The following STUB1 variants were observed in gnomAD, a reference collection of about 807,000 sequenced individuals.
STUB1 encodes E3 ubiquitin-protein ligase CHIP.
In STUB1, 37 loss-of-function variants were observed where a neutral mutation model predicts 40.3. The observed-to-expected ratio is 0.92, with a 90% CI of 0.71 to 1.21. The LOEUF (loss-of-function observed/expected upper bound fraction) is 1.21. STUB1 is among the 50% of genes most tolerant of loss of function. The probability of loss-of-function intolerance (pLI) is 0.00; values close to 1 mark genes in which losing one functional copy is unlikely to be tolerated. For missense variants in STUB1, 460 were observed against 421.9 expected (o/e 1.09, Z -0.79); for synonymous variants, 246 against 171.9 (o/e 1.43, Z -3.37).
Position 682,665 on chromosome 16 carries a change from T to G in STUB1, c.*176T>G, listed in dbSNP as rs2039721101. ...TTGCTGGGCCGTGATCGTCCCCCTT[T>G]GTGGGCTGGAAAAGCAGGTGAGGGT... On this transcript the variant is annotated 3_prime_UTR_variant, in exon 7 of 7. Transcript: ENST00000219548. 1 of 1,407,258 alleles carries G rather than the reference T, an allele frequency of 7.1e-7. No individual in the cohort carries two copies. The highest frequency in any genetic ancestry group is 2.4e-5 in the East Asian group (1 of 41,902). The allele number at this position is 1,407,258 out of a possible 1,614,324, so 87.2% of individuals were successfully genotyped here.
chr16:682,121 C>T, intron 5 of STUB1, 44 bp from the exon 6 acceptor site: 2 of 1,587,764 alleles, frequency 1.3e-6, no homozygotes, highest in Non-Finnish European at 8.6e-7. Context: ...GGTGCTCGTG[C>T]AGTGCCCCTT....
intron 1 of STUB1, 107 bp from the exon 2 acceptor site, chr16:681,045 C>T: frequency 3.4e-6 from 4 of 1,177,648 alleles, no homozygotes; most frequent in South Asian, 1.5e-5. Flanking sequence ...ACTGAGAAAC[C>T]TAGTTTCTTG....
Position 681,819 on chromosome 16 carries a change from AC to A in STUB1, c.552del (p.His184GlnfsTer56). 6.2e-7 allele frequency: 1 copy of A among 1,606,914 alleles called. No individual in the cohort carries two copies. Among genetic ancestry groups the A allele is most frequent in the Non-Finnish European group, 8.5e-7 (1 of 1,175,478 alleles). Reference protein sequence around the residue: ...ERELEECQRNHEGDEDDSHVR... With the variant: ...ERELEECQRNXEGDEDDSHVR... ...GAGCTGGAAGAGTGCCAGCGAAACC[AC>A]GAGGGTGATGAGGACGACAGCCACG... On this transcript the variant is annotated frameshift_variant, in exon 4 of 7. Transcript: ENST00000219548. LOFTEE classifies it high-confidence loss of function.
rs1037791729 is a variant in STUB1 at position 682,784 on chromosome 16, G to C, written c.*295G>C. ...TGGTGTGTGACCGGCAGTCCTGCCA[G>C]CTGTTTTGGCTAGCCGAGGAAGGTG... is the stretch of plus-strand genomic sequence containing the variant. On this transcript the variant is annotated 3_prime_UTR_variant, in exon 7 of 7. Coordinates refer to ENST00000219548, the MANE Select transcript of STUB1 (RefSeq NM_005861.4). 1 of 1,612,796 alleles carries C rather than the reference G, an allele frequency of 6.2e-7. No individual in the cohort carries two copies. The highest frequency in any genetic ancestry group is 8.5e-7 in the Non-Finnish European group (1 of 1,179,636).
rs1189782607 is a variant in STUB1 at position 682,523 on chromosome 16, G to A, written c.*34G>A. On this transcript the variant is annotated 3_prime_UTR_variant, in exon 7 of 7. Transcript: ENST00000219548. The stretch of plus-strand genomic sequence containing the variant: ...GCCCTACCTGGCGTCCTGGTCCAGG[G>A]GAGCCCTGGGCAGAAGCCCCCGGCC... 2 of 1,612,140 alleles carry A rather than the reference G, an allele frequency of 1.2e-6. No homozygotes were observed. Among genetic ancestry groups the A allele is most frequent in the South Asian group, 2.2e-5 (2 of 90,990 alleles).
intron 2 of STUB1, 21 bp downstream of exon 2, chr16:681,371 G>C (rs1481171390): frequency 1.2e-6 from 2 of 1,611,880 alleles, no homozygotes; most frequent in African/African-American, 2.7e-5. Context: ...AAGCTGCCCG[G>C]TTGTGGGGCC....
In STUB1 at chr16:681,498, G is replaced by T; in HGVS notation, c.419G>T (p.Arg140Leu). Residue 140 changes from arginine to leucine, a missense_variant, in exon 3 of 7, where the codon CGA becomes CTA. Arg to Leu is a moderately radical substitution (Grantham distance 102, BLOSUM62 -2). Coordinates refer to ENST00000219548, the MANE Select transcript of STUB1 (RefSeq NM_005861.4). ...NFGDDIPSAL[R>L]IAKKKRWNSI... is the part of the protein sequence containing the mutation. Reference sequence around the variant, plus strand: ...GGGGACGACATCCCCAGCGCTCTTCGAATCGCGAAGAAGAAGCGCTGGAAC... The same window carrying T: ...GGGGACGACATCCCCAGCGCTCTTCTAATCGCGAAGAAGAAGCGCTGGAAC... 3 of 1,612,520 alleles carry T rather than the reference G, an allele frequency of 1.9e-6. No individual in the cohort carries two copies. Among genetic ancestry groups the T allele is most frequent in the South Asian group, 1.1e-5 (1 of 91,020 alleles).
rs749547598 is a variant in STUB1, at chr16:682,238, G to A, written c.743G>A (p.Ser248Asn). The A allele has an allele frequency of 3.1e-6, 5 of 1,613,042 alleles. No individual in the cohort carries two copies. The Admixed American group carries it at 5.0e-5, about 16-fold the overall frequency. Residue 248 changes from serine to asparagine, a missense_variant, in exon 6 of 7, where the codon AGT (serine) becomes AAT (asparagine). Ser to Asn is a conservative substitution (Grantham distance 46). Transcript: ENST00000219548. ...ELMREPCITP[S>N]GITYDRKDIE... is the part of the protein sequence containing the mutation. ...ATGCGGGAGCCGTGCATCACGCCCA[G>A]TGGCATCACCTACGACCGCAAGGAC...
chr16:681,718 T>C (rs1359693228), intron 3 of STUB1, 75 bp from the exon 4 acceptor site: 2 of 1,552,472 alleles, frequency 1.3e-6, no homozygotes, highest in Non-Finnish European at 1.7e-6. Context: ...GAAGTGTGGA[T>C]GTTAGCTCTG....
In STUB1 at chr16:682,519, CA is replaced by C. The variant is rs778681525; in HGVS notation, c.*31del. On this transcript the variant is annotated 3_prime_UTR_variant, in exon 7 of 7. Coordinates refer to ENST00000219548, the MANE Select transcript of STUB1 (RefSeq NM_005861.4). ...CCCTGCCCTACCTGGCGTCCTGGTC[CA>C]GGGGAGCCCTGGGCAGAAGCCCCCG... 1.2e-5 allele frequency: 20 copies of C among 1,612,178 alleles called. No individual in the cohort carries two copies. The Admixed American group carries it at 3.3e-4, about 27-fold the overall frequency.
At position 682,657 on chromosome 16, in the gene STUB1, T is replaced by C; in HGVS notation, c.*168T>C. 7.2e-7 allele frequency: 1 copy of C among 1,396,336 alleles called. No homozygotes were observed. The highest frequency in any genetic ancestry group is 9.8e-7 in the Non-Finnish European group (1 of 1,018,556). 86.5% of individuals were successfully genotyped at this position (1,396,336 alleles called of 1,614,324 possible). A position where few individuals can be genotyped will look rare whatever the true frequency, so the allele number is the denominator to read the frequency against. ...CATCGCTTTTGCTGGGCCGTGATCG[T>C]CCCCCTTTGTGGGCTGGAAAAGCAG... is the stretch of plus-strand genomic sequence containing the variant. On this transcript the variant is annotated 3_prime_UTR_variant, in exon 7 of 7. Coordinates refer to ENST00000219548, the MANE Select transcript of STUB1 (RefSeq NM_005861.4).
chr16:681,994 C>G, intron 4 of STUB1, 26 bp from the exon 5 acceptor site: 1 of 1,612,038 alleles, frequency 6.2e-7, no homozygotes, highest in Non-Finnish European at 8.5e-7. Flanking sequence ...GTGTCTCCCC[C>G]AAGCACAGCA....
rs1596552001 is a variant in STUB1 at position 682,153 on chromosome 16, C to T, written c.670-12C>T. ...CCTTTTCAGCCTCTGACCGTGTGCCCCTGTGCCACAGAAGCGAGACATCCC... is the reference window on the plus strand; with the variant it reads ...CCTTTTCAGCCTCTGACCGTGTGCCTCTGTGCCACAGAAGCGAGACATCCC... On this transcript the variant is annotated splice_polypyrimidine_tract_variant and intron_variant, in intron 5 of 6. Transcript: ENST00000219548. The T allele has an allele frequency of 1.9e-6, 3 of 1,600,780 alleles. No homozygotes were observed. Among genetic ancestry groups the T allele is most frequent in the Non-Finnish European group, 2.6e-6 (3 of 1,169,366 alleles).
Position 681,833 on chromosome 16 carries a change from G to A in STUB1, c.565G>A (p.Asp189Asn). ...CCAGCGAAACCACGAGGGTGATGAG[G>A]ACGACAGCCACGTCCGGGCCCAGCA... ...ECQRNHEGDE[D>N]DSHVRAQQAC... is the part of the protein sequence containing the mutation. The change falls in exon 4 of 7, where the codon GAC becomes AAC. Residue 189 changes from aspartate (D) to asparagine (N), a missense_variant. By Grantham distance (23) the Asp-to-Asn change is conservative. Transcript: ENST00000219548. The A allele has an allele frequency of 1.9e-6, 3 of 1,610,504 alleles. No individual in the cohort carries two copies. Among genetic ancestry groups the A allele is most frequent in the Non-Finnish European group, 2.5e-6 (3 of 1,178,276 alleles).
In STUB1 at chr16:681,972, G is replaced by A. The variant is rs1337416666; in HGVS notation, c.613-48G>A. On this transcript the variant is annotated intron_variant, in intron 4 of 6. Coordinates refer to ENST00000219548, the MANE Select transcript of STUB1 (RefSeq NM_005861.4). ...TGTGTTGGGTCTGTGCCCCATGGAG[G>A]AGGGAGGTGGGGTGTCTCCCCCAAG... is the stretch of plus-strand genomic sequence containing the variant. 1.9e-6 allele frequency: 3 copies of A among 1,612,640 alleles called. No homozygotes were observed. The African/African-American group carries it at 4.0e-5, about 22-fold the overall frequency.
Position 682,217 on chromosome 16 carries a change from G to T in STUB1, c.722G>T (p.Arg241Leu). 1 of 1,612,980 alleles carries T rather than the reference G, an allele frequency of 6.2e-7. No individual in the cohort carries two copies. Among genetic ancestry groups the T allele is most frequent in the Non-Finnish European group, 8.5e-7 (1 of 1,179,846 alleles). ...LCGKISFELMREPCITPSGIT... is the reference protein window; with the variant it reads ...LCGKISFELMLEPCITPSGIT... ...GGCAAGATCAGCTTTGAGCTGATGC[G>T]GGAGCCGTGCATCACGCCCAGTGGC... The change falls in exon 6 of 7, where the codon CGG becomes CTG. Residue 241 changes from arginine to leucine, a missense_variant. Transcript: ENST00000219548.
In STUB1 at chr16:680,621, G is replaced by T; in HGVS notation, c.96G>T (p.Gln32His). 1 of 1,398,470 alleles carries T rather than the reference G, an allele frequency of 7.2e-7. No individual in the cohort carries two copies. The highest frequency in any genetic ancestry group is 3.0e-5 in the East Asian group (1 of 33,518). The allele number at this position is 1,398,470 out of a possible 1,614,324, so 86.6% of individuals were successfully genotyped here. ...KSPSAQELKE[Q>H]GNRLFVGRKY... Reference sequence around the variant, plus strand: ...CGAGCGCGCAGGAGCTCAAGGAGCAGGGCAATCGTCTGTTCGTGGGCCGAA... The same window carrying T: ...CGAGCGCGCAGGAGCTCAAGGAGCATGGCAATCGTCTGTTCGTGGGCCGAA... The change falls in exon 1 of 7, where the codon CAG becomes CAT. Residue 32 changes from glutamine to histidine, a missense_variant. By Grantham distance (24) the Gln-to-His change is conservative. Transcript: ENST00000219548. This position sits in a 1 kb window ranked among gnomAD's most constrained non-coding sequence, Gnocchi z 4.9.
Position 681,577 on chromosome 16 carries a change from C to T in STUB1, c.498C>T (p.Ser166=), listed in dbSNP as rs1371697461. Residue 166 remains serine (S), a synonymous_variant, in exon 3 of 7, where the codon TCC becomes TCT. Transcript: ENST00000219548. ...HQESELHSYL[S]RLIAAERERE... ...AGAGCGAGCTGCACTCCTACCTCTC[C>T]AGGCTCATTGCCGCGGAGCGTGAGA... 2 of 1,610,552 alleles carry T rather than the reference C, an allele frequency of 1.2e-6. No individual in the cohort carries two copies. Among genetic ancestry groups the T allele is most frequent in the East Asian group, 2.2e-5 (1 of 44,850 alleles).
chr16:682,635 C>A lies in STUB1; in HGVS notation c.*146C>A. 7.0e-7 allele frequency: 1 copy of A among 1,429,866 alleles called. No individual in the cohort carries two copies. The highest frequency in any genetic ancestry group is 2.3e-5 in the East Asian group (1 of 42,888). The allele number at this position is 1,429,866 out of a possible 1,614,324, so 88.6% of individuals were successfully genotyped here. On this transcript the variant is annotated 3_prime_UTR_variant, in exon 7 of 7. Transcript: ENST00000219548. ...TCTGGACTGTTTCCCCTCTCAGCAT[C>A]GCTTTTGCTGGGCCGTGATCGTCCC...
Sources: allele counts gnomAD v4.1 joint callset, GRCh38; gene constraint gnomAD v4.1.1; non-coding constraint Gnocchi (gnomAD v3.1); transcripts MANE v1.5; gene names NCBI Gene and HGNC (gene_info 2026-07-23, HGNC 2026-07-21).